The following BAG3 variants were observed in gnomAD, a reference collection of about 807,000 sequenced individuals.
BAG3 encodes the protein BAG family molecular chaperone regulator 3.
In BAG3, 14 loss-of-function variants were observed where a neutral mutation model predicts 40.5. The ratio of observed to expected loss-of-function variants is 0.35; its 90% confidence interval spans 0.23 to 0.54. The LOEUF is 0.54. BAG3 is among the 20% of genes least tolerant of loss of function. BAG3 has a pLI of 0.91. For synonymous variants in BAG3, 302 were observed against 307.8 expected (o/e 0.98, Z 0.20); for missense variants, 788 against 758.6 (o/e 1.04, Z -0.46).
chr10:119,654,725 T>C (rs142280200), intron 1 of BAG3, among the ~76,000 whole-genome samples: 87 of 152,350 alleles, frequency 5.7e-4, no homozygotes, highest in African/African-American at 2.1e-3. Context: ...TCCAGGCCCT[T>C]TCCTGGCAGA....
chr10:119,651,961 G>C, intron 1 of BAG3, 106 bp downstream of exon 1: 1 of 1,019,582 alleles, frequency 9.8e-7, no homozygotes, highest in Non-Finnish European at 1.2e-6. Context: ...CCCGGGGGTC[G>C]GCGAAGGCCC....
chr10:119,665,990 C>G (rs196318), intron 1 of BAG3, among the ~76,000 whole-genome samples: 2 of 151,954 alleles, frequency 1.3e-5, no homozygotes, highest in Admixed American at 6.5e-5. Context: ...CTGTCCTGAC[C>G]GTCTCTGCTT....
chr10:119,675,067 C>A (rs1847201094), intron 3 of BAG3, among the ~76,000 whole-genome samples: 1 of 149,526 alleles, frequency 6.7e-6, no homozygotes, highest in Admixed American at 6.6e-5. Context: ...CGTGGTGGCT[C>A]ACACCTATAA....
chr10:119,659,998 T>G (rs752632821), intron 1 of BAG3, among the ~76,000 whole-genome samples: 15 of 152,144 alleles, frequency 9.9e-5, no homozygotes, highest in Non-Finnish European at 1.3e-4. Flanking sequence ...TGGGCCACAT[T>G]CCAGTTCCTA....
intron 1 of BAG3, among the ~76,000 whole-genome samples, chr10:119,660,411 C>G (rs1159235041): frequency 6.6e-6 from 1 of 152,210 alleles, no homozygotes; most frequent in Non-Finnish European, 1.5e-5. Context: ...TGGCTCTTTG[C>G]TTCCAGGCTG....
intron 3 of BAG3, among the ~76,000 whole-genome samples, chr10:119,673,516 T>G (rs375794552): frequency 1.4e-4 from 22 of 152,314 alleles, no homozygotes; most frequent in African/African-American, 5.3e-4. Context: ...GTCATTTAGT[T>G]TAAGCAGCTC....
At position 119,676,818 on chromosome 10, in the gene BAG3, G is replaced by C. The variant is rs371476147; in HGVS notation, c.1264G>C (p.Val422Leu). The change falls in exon 4 of 4, where the codon GTG becomes CTG. Residue 422 changes from valine to leucine, a missense_variant. Val to Leu is a conservative substitution (Grantham distance 32). Transcript: ENST00000369085. ...CGAGGCTCCCCCAAAACATCCAGGA[G>C]TGCTGAAAGTGGAAGCCATCCTGGA... is the stretch of plus-strand genomic sequence containing the variant. ...EAEAPPKHPGVLKVEAILEKV... is the reference protein window; with the variant it reads ...EAEAPPKHPGLLKVEAILEKV... The C allele has an allele frequency of 6.2e-7, 1 of 1,614,200 alleles. No homozygotes were observed. The highest frequency in any genetic ancestry group is 8.5e-7 in the Non-Finnish European group (1 of 1,180,036).
intron 3 of BAG3, among the ~76,000 whole-genome samples, chr10:119,673,288 A>G (rs1296790445): frequency 6.6e-6 from 1 of 152,212 alleles, no homozygotes. Context: ...GGGGCATTTC[A>G]GAAGTGTTCA....
At chr10:119,663,150 C>A (rs1028057132) in intron 1 of BAG3, among the ~76,000 whole-genome samples, 6 of 152,326 alleles carry the variant, frequency 3.9e-5, no homozygotes, top group African/African-American at 1.4e-4. Flanking sequence ...AGATTCTTCT[C>A]CACGGCTCTT....
At position 119,651,389 on chromosome 10, in the gene BAG3, C is replaced by T. The variant is rs1291918077; in HGVS notation, c.-287C>T. 2 of 325,094 alleles carry T rather than the reference C, an allele frequency of 6.2e-6. No individual in the cohort carries two copies. Among genetic ancestry groups the T allele is most frequent in the Non-Finnish European group, 1.1e-5 (2 of 180,454 alleles). 20.1% of individuals were successfully genotyped at this position (325,094 alleles called of 1,614,324 possible). ...CTCAGGGCGGAGCTCCGCATCCAACCCCGGGCCGCGGCCAACTTCTCTGGA... is the reference window on the plus strand; with the variant it reads ...CTCAGGGCGGAGCTCCGCATCCAACTCCGGGCCGCGGCCAACTTCTCTGGA... On this transcript the variant is annotated 5_prime_UTR_variant, in exon 1 of 4. Transcript: ENST00000369085.
chr10:119,670,937 G>A (rs1036077717), intron 2 of BAG3, among the ~76,000 whole-genome samples: 2 of 152,110 alleles, frequency 1.3e-5, no homozygotes, highest in Admixed American at 6.5e-5. Flanking sequence ...ACAAACTCCC[G>A]TGTCCTATCT....
intron 3 of BAG3, among the ~76,000 whole-genome samples, chr10:119,673,103 C>T (rs939473601): frequency 6.6e-6 from 1 of 152,136 alleles, no homozygotes; most frequent in Non-Finnish European, 1.5e-5. Flanking sequence ...TGCCTTTGCC[C>T]ATGCTGAACC....
At chr10:119,660,637 G>A (rs1053325665) in intron 1 of BAG3, among the ~76,000 whole-genome samples, 30 of 152,002 alleles carry the variant, frequency 2.0e-4, no homozygotes, top group African/African-American at 7.3e-4. Flanking sequence ...CTTGAGCCCG[G>A]GAGTTCGAGA....
Position 119,677,039 on chromosome 10 carries a change from A to G in BAG3, c.1485A>G (p.Glu495=), listed in dbSNP as rs778242238. 1.9e-6 allele frequency: 3 copies of G among 1,614,204 alleles called. No individual in the cohort carries two copies. The highest frequency in any genetic ancestry group is 2.5e-6 in the Non-Finnish European group (3 of 1,180,032). The change falls in exon 4 of 4, where the codon GAA becomes GAG. Residue 495 remains glutamate, a synonymous_variant. Transcript: ENST00000369085. Reference sequence around the variant, plus strand: ...TTCAGACCATCTTGGAAAAACTTGAACAGAAAGCCATTGATGTCCCAGGTC... The same window carrying G: ...TTCAGACCATCTTGGAAAAACTTGAGCAGAAAGCCATTGATGTCCCAGGTC... ...RKVQTILEKL[E]QKAIDVPGQV...
At chr10:119,663,409 C>T (rs889515837) in intron 1 of BAG3, among the ~76,000 whole-genome samples, 1 of 152,248 alleles carries the variant, frequency 6.6e-6, no homozygotes, top group Admixed American at 6.5e-5. Context: ...AAGCGATTCT[C>T]GTGCATCATC....
At position 119,660,710 on chromosome 10, in the gene BAG3, A is replaced by T. The variant is rs116724335; in HGVS notation, c.180+8855A>T. On this transcript the variant is annotated intron_variant, in intron 1 of 3. Coordinates refer to ENST00000369085, the MANE Select transcript of BAG3 (RefSeq NM_004281.4). ...TAAATAAATAAATAAATATTTTTTTAAAAAAAGAATTAGGCTTTGTAAACG... is the reference window on the plus strand; with the variant it reads ...TAAATAAATAAATAAATATTTTTTTTAAAAAAGAATTAGGCTTTGTAAACG... 2.3e-3 allele frequency among the ~76,000 whole-genome samples: 349 copies of T among 152,068 alleles called. 2 individuals carry two copies. The highest frequency in any genetic ancestry group is 7.9e-3 in the African/African-American group (329 of 41,490).
rs1215731985 is a variant in BAG3, at chr10:119,676,650, G to C, written c.1096G>C (p.Val366Leu). 8 of 1,614,052 alleles carry C rather than the reference G, an allele frequency of 5.0e-6. No homozygotes were observed. The highest frequency in any genetic ancestry group is 1.3e-5 in the African/African-American group (1 of 74,922). ...TCCCTCTGAGAAGGTAGAGGTGAAA[G>C]TTCCCCCTGCTCCAGTTCCTTGTCC... ...PPPSEKVEVK[V>L]PPAPVPCPPP... Residue 366 changes from valine (V) to leucine (L), a missense_variant, in exon 4 of 4, where the codon GTT (valine) becomes CTT (leucine). Val to Leu is a conservative substitution (Grantham distance 32). Coordinates refer to ENST00000369085, the MANE Select transcript of BAG3 (RefSeq NM_004281.4).
intron 1 of BAG3, among the ~76,000 whole-genome samples, chr10:119,654,718 A>G (rs1846888638): frequency 6.6e-6 from 1 of 152,270 alleles, no homozygotes; most frequent in African/African-American, 2.4e-5. Flanking sequence ...ATACCAGTCC[A>G]GGCCCTTTCC....
In BAG3 at chr10:119,651,730, C is replaced by G; in HGVS notation, c.55C>G (p.Arg19Gly). 1 of 1,598,002 alleles carries G rather than the reference C, an allele frequency of 6.3e-7. No individual in the cohort carries two copies. ...MMQVASGNGD[R>G]DPLPPGWEIK... ...GCAGGTGGCGTCCGGCAACGGTGACCGCGACCCTTTGCCCCCCGGATGGGA... is the reference window on the plus strand; with the variant it reads ...GCAGGTGGCGTCCGGCAACGGTGACGGCGACCCTTTGCCCCCCGGATGGGA... Residue 19 changes from arginine to glycine, a missense_variant, in exon 1 of 4, where the codon CGC becomes GGC. Transcript: ENST00000369085.
Sources: allele counts gnomAD v4.1 joint callset (sites outside exome capture counted in the v4.1 genomes callset), GRCh38; gene constraint gnomAD v4.1.1; transcripts MANE v1.5; gene names NCBI Gene and HGNC (gene_info 2026-07-23, HGNC 2026-07-21).